The following ZFP69 variants were observed in gnomAD, a reference collection of about 807,000 sequenced individuals.
The protein encoded by ZFP69 is ZFP69 zinc finger protein, also known as zinc finger protein 69 homolog.
Under a neutral mutation model 48.9 loss-of-function variants are expected in ZFP69, and 35 were observed. That is an observed-to-expected ratio of 0.72 (90% CI 0.55 to 0.95). The LOEUF (loss-of-function observed/expected upper bound fraction) is 0.95. Ranked by LOEUF, ZFP69 falls within the 40% of genes least tolerant of loss-of-function variation. The probability of loss-of-function intolerance (pLI) is 0.00; values close to 1 mark genes in which losing one functional copy is unlikely to be tolerated. For synonymous variants in ZFP69, 193 were observed against 216.8 expected (o/e 0.89, Z 0.96); for missense variants, 557 against 638.4 (o/e 0.87, Z 1.37).
Position 40,494,901 on chromosome 1 carries a change from CT to C in ZFP69, c.443-13del, listed in dbSNP as rs1219182442. 3 of 1,587,628 alleles carry C rather than the reference CT, an allele frequency of 1.9e-6. No homozygotes were observed. Among genetic ancestry groups the C allele is most frequent in the South Asian group, 1.2e-5 (1 of 86,672 alleles). ...CCACTACAGTAATTGGTTTTTAAAG[CT>C]TTTTTTCATTTCTTTCAGACTTGAA... On this transcript the variant is annotated intron_variant, in intron 5 of 5. Coordinates refer to ENST00000372706, the MANE Select transcript of ZFP69 (RefSeq NM_001320179.2).
chr1:40,482,865 A>G (rs1645456018), intron 3 of ZFP69, among the ~76,000 whole-genome samples: 1 of 152,182 alleles, frequency 6.6e-6, no homozygotes, highest in African/African-American at 2.4e-5. Flanking sequence ...AGAGAGATAT[A>G]GACAAAATCA....
rs1272347275 is a variant in ZFP69 at position 40,479,068 on chromosome 1, T to G, written c.-294T>G. ...AGTTCTGGAGACAAGTGCTTCTGGATCCCTCTTCCCTTCCCTTTTGCTCCT... is the reference window on the plus strand; with the variant it reads ...AGTTCTGGAGACAAGTGCTTCTGGAGCCCTCTTCCCTTCCCTTTTGCTCCT... On this transcript the variant is annotated 5_prime_UTR_variant, in exon 2 of 6. Coordinates refer to ENST00000372706, the MANE Select transcript of ZFP69 (RefSeq NM_001320179.2). 3.7e-6 allele frequency: 1 copy of G among 270,576 alleles called. No individual in the cohort carries two copies. Among genetic ancestry groups the G allele is most frequent in the Non-Finnish European group, 7.2e-6 (1 of 139,626 alleles). 16.8% of individuals were successfully genotyped at this position (270,576 alleles called of 1,614,324 possible).
chr1:40,478,616 C>A (rs1427963548), intron 1 of ZFP69, among the ~76,000 whole-genome samples: 1 of 152,144 alleles, frequency 6.6e-6, no homozygotes, highest in Admixed American at 6.5e-5. Context: ...TATGATTCAG[C>A]AATATGATAA....
intron 5 of ZFP69, among the ~76,000 whole-genome samples, chr1:40,491,787 A>G (rs6656399): frequency 0.061 from 6,746 of 109,718 alleles, 173 homozygotes; most frequent in Middle Eastern, 0.099. Context: ...GTGTGTGTGT[A>G]TATATATATA....
At chr1:40,488,206 T>C (rs960963688) in intron 3 of ZFP69, among the ~76,000 whole-genome samples, 1 of 152,146 alleles carries the variant, frequency 6.6e-6, no homozygotes, top group African/African-American at 2.4e-5. Context: ...ATTCATGTGT[T>C]TTGATTTGTT....
intron 5 of ZFP69, chr1:40,493,284 T>TTGAC (rs1371686770): frequency 6.6e-6 from 1 of 152,128 alleles, no homozygotes; most frequent in African/African-American, 2.4e-5. Flanking sequence ...ATTTTGAATA[T>TTGAC]TGACCTTTTA....
chr1:40,495,178 T>C lies in ZFP69; in HGVS notation c.700T>C (p.Ser234Pro). 1 of 1,614,086 alleles carries C rather than the reference T, an allele frequency of 6.2e-7. No homozygotes were observed. The highest frequency in any genetic ancestry group is 2.2e-5 in the East Asian group (1 of 44,866). The change falls in exon 6 of 6, where the codon TCA becomes CCA. Residue 234 changes from serine (S) to proline (P), a missense_variant. Ser to Pro is a moderately conservative substitution (Grantham distance 74). Coordinates refer to ENST00000372706, the MANE Select transcript of ZFP69 (RefSeq NM_001320179.2). ...ATTTGGGGAAAATATCATTGTGCAT[T>C]CAAATGTTATTATTGAACAGAGGCA... ...NKFGENIIVH[S>P]NVIIEQRHHK...
Position 40,495,143 on chromosome 1 carries a change from A to T in ZFP69, c.665A>T (p.Glu222Val). Residue 222 changes from glutamate to valine, a missense_variant, in exon 6 of 6, where the codon GAA becomes GTA. Transcript: ENST00000372706. ...TTGACCCATAAGAAGAGAGTCCAAG[A>T]AACTAACAAATTTGGGGAAAATATC... ...AILTHKKRVQ[E>V]TNKFGENIIV... The T allele has an allele frequency of 1.2e-6, 2 of 1,614,140 alleles. No homozygotes were observed. Among genetic ancestry groups the T allele is most frequent in the Non-Finnish European group, 1.7e-6 (2 of 1,180,000 alleles).
intron 3 of ZFP69, among the ~76,000 whole-genome samples, chr1:40,488,515 G>C (rs1435390761): frequency 6.6e-6 from 1 of 152,184 alleles, no homozygotes; most frequent in Non-Finnish European, 1.5e-5. Flanking sequence ...GGTGGTGGGG[G>C]AACCCCTATC....
In ZFP69 at chr1:40,495,193, G is replaced by T; in HGVS notation, c.715G>T (p.Glu239Ter). Reference protein sequence around the residue: ...NIIVHSNVIIEQRHHKYDTPT... With the variant: ...NIIVHSNVII ...CATTGTGCATTCAAATGTTATTATT[G>T]AACAGAGGCACCATAAATATGATAC... Residue 239 changes from glutamate (E) to a stop codon, truncating the protein, a stop_gained, in exon 6 of 6, where the codon GAA becomes TAA. Transcript: ENST00000372706. LOFTEE classifies it high-confidence loss of function. The T allele has an allele frequency of 6.2e-7, 1 of 1,614,028 alleles. No homozygotes were observed. Among genetic ancestry groups the T allele is most frequent in the African/African-American group, 1.3e-5 (1 of 75,016 alleles).
intron 1 of ZFP69, 129 bp from the exon 2 acceptor site, chr1:40,478,907 A>G (rs1200136914): frequency 5.9e-6 from 1 of 169,312 alleles, no homozygotes; most frequent in Non-Finnish European, 1.3e-5. Context: ...ATGTTTGTAC[A>G]TCTTTGCATG....
rs965414401 is a variant in ZFP69 at position 40,477,654 on chromosome 1, G to C, written c.-567G>C. 4.6e-5 allele frequency: 7 copies of C among 152,152 alleles called. No homozygotes were observed. The highest frequency in any genetic ancestry group is 1.7e-4 in the African/African-American group (7 of 41,452). The allele number at this position is 152,152 out of a possible 1,614,324, so 9.4% of individuals were successfully genotyped here. On this transcript the variant is annotated 5_prime_UTR_variant, in exon 1 of 6. Coordinates refer to ENST00000372706, the MANE Select transcript of ZFP69 (RefSeq NM_001320179.2). This position sits in a 1 kb window ranked among gnomAD's most constrained non-coding sequence, Gnocchi z 4.0. ...TGATGGGAATGTGGAGCAGACCCTC[G>C]TCCACTCCGGAGGCCGAGGGTCCTC...
At chr1:40,494,255 AATTTTTTTTTTTTTTTTT>A (rs1645599460) in intron 5 of ZFP69, among the ~76,000 whole-genome samples, 1 of 123,856 alleles carries the variant, frequency 8.1e-6, no homozygotes, top group African/African-American at 3.2e-5. Flanking sequence ...AAAGATTCAA[AATTTTTTTTTTTTTTTTT>A]TTTTTTTTTT....
chr1:40,478,476 TG>T (rs1645411560), intron 1 of ZFP69, among the ~76,000 whole-genome samples: 1 of 152,186 alleles, frequency 6.6e-6, no homozygotes, highest in African/African-American at 2.4e-5. Flanking sequence ...GGCATCTGCG[TG>T]GGTGGTGACG....
chr1:40,489,052 G>C, intron 3 of ZFP69, 36 bp from the exon 4 acceptor site: 1 of 1,613,018 alleles, frequency 6.2e-7, no homozygotes. Context: ...AACAGAGGTG[G>C]TCTCCGGCTA....
chr1:40,482,031 C>T (rs954173765), intron 3 of ZFP69, among the ~76,000 whole-genome samples, 177 bp downstream of exon 3: 25 of 151,272 alleles, frequency 1.7e-4, no homozygotes, highest in African/African-American at 5.8e-4. Flanking sequence ...CCAGTGGTGG[C>T]AATTCCCCTA....
chr1:40,487,261 A>G (rs1397341747), intron 3 of ZFP69, among the ~76,000 whole-genome samples: 2 of 152,194 alleles, frequency 1.3e-5, no homozygotes, highest in African/African-American at 4.8e-5. Context: ...TGAACTGTGC[A>G]GGTCCACTTC....
rs969927710 is a variant in ZFP69 at position 40,479,488 on chromosome 1, G to C, written c.127G>C (p.Ala43Pro). The change falls in exon 2 of 6, where the codon GCT (alanine) becomes CCT (proline). Residue 43 changes from alanine (A) to proline (P), a missense_variant and splice_region_variant. Physicochemically the swap from Ala to Pro is conservative, Grantham distance 27. Coordinates refer to ENST00000372706, the MANE Select transcript of ZFP69 (RefSeq NM_001320179.2). ...TGTGACTAAAATGTTTGAAGGAGAA[G>C]GTGAGAATGGACTGATGGAGGGGGA... ...EDVTKMFEGE[A>P]LLSQDAEDVK... The C allele has an allele frequency of 3.7e-6, 6 of 1,611,620 alleles. No homozygotes were observed. The African/African-American group carries it at 8.0e-5, about 22-fold the overall frequency.
chr1:40,478,834 G>T (rs181390506), intron 1 of ZFP69, among the ~76,000 whole-genome samples: 1 of 152,178 alleles, frequency 6.6e-6, no homozygotes, highest in East Asian at 1.9e-4. Context: ...CTTAAACCCC[G>T]TCTGTGTCCA....
Sources: allele counts gnomAD v4.1 joint callset (sites outside exome capture counted in the v4.1 genomes callset), GRCh38; gene constraint gnomAD v4.1.1; non-coding constraint Gnocchi (gnomAD v3.1); transcripts MANE v1.5; gene names NCBI Gene and HGNC (gene_info 2026-07-23, HGNC 2026-07-21).